YWHAZ: variants seen among roughly 807,000 people sequenced by gnomAD.
The protein encoded by YWHAZ is tyrosine 3-monooxygenase/tryptophan 5-monooxygenase activation protein zeta, also known as 14-3-3 protein zeta/delta.
For synonymous variants in YWHAZ, 87 were observed against 103.6 expected (o/e 0.84, Z 0.97); for missense variants, 79 against 284.8 (o/e 0.28, Z 5.20).
chr8:100,926,198 ATTTT>A (rs55947914), intron 2 of YWHAZ, among the ~76,000 whole-genome samples: 3 of 142,026 alleles, frequency 2.1e-5, no homozygotes, highest in Non-Finnish European at 3.1e-5. Flanking sequence ...TCTTCCCCCA[ATTTT>A]TTTTTTTTTT....
In YWHAZ at chr8:100,948,934, T is replaced by C. The variant is rs1421432811; in HGVS notation, c.-11-34A>G. On this transcript the variant is annotated intron_variant, in intron 1 of 5. Coordinates refer to ENST00000395958, the MANE Select transcript of YWHAZ (RefSeq NM_145690.3). This position sits in a 1 kb window ranked among gnomAD's most constrained non-coding sequence, Gnocchi z 4.2. ...GGGAAAAAAGGAGTATTTAAAATTT[T>C]TCCCATCAAAATAAACAGACTCAAA... 6.5e-7 allele frequency: 1 copy of C among 1,539,172 alleles called. No individual in the cohort carries two copies. The highest frequency in any genetic ancestry group is 2.1e-5 in the Admixed American group (1 of 47,526).
intron 1 of YWHAZ, chr8:100,950,505 C>T (rs1408649599): frequency 1.0e-6 from 1 of 985,620 alleles, no homozygotes; most frequent in South Asian, 4.7e-5. Context: ...CCCCTCCAGG[C>T]TCCGCCCAAG....
At chr8:100,944,853 A>T (rs1810147940) in intron 2 of YWHAZ, among the ~76,000 whole-genome samples, 1 of 152,116 alleles carries the variant, frequency 6.6e-6, no homozygotes, top group East Asian at 1.9e-4. Context: ...GGACTGAGTG[A>T]TTTCCTCAGG....
At chr8:100,930,424 T>C (rs540689373) in intron 2 of YWHAZ, among the ~76,000 whole-genome samples, 21 of 152,330 alleles carry the variant, frequency 1.4e-4, no homozygotes, top group African/African-American at 3.4e-4. Flanking sequence ...AAGGGCTAGG[T>C]TGACTGAAGG....
chr8:100,931,135 T>C (rs1161359056), intron 2 of YWHAZ, among the ~76,000 whole-genome samples: 1 of 152,226 alleles, frequency 6.6e-6, no homozygotes, highest in African/African-American at 2.4e-5. Context: ...TTCCAAGAGA[T>C]GGGGTTCAAA....
chr8:100,921,577 TC>T (rs1470685618), intron 5 of YWHAZ, among the ~76,000 whole-genome samples: 3 of 152,214 alleles, frequency 2.0e-5, no homozygotes, highest in African/African-American at 7.2e-5. Flanking sequence ...ATCTAGCTTT[TC>T]TAACACTTTA....
Position 100,917,582 on chromosome 8 carries a change from G to A in YWHAZ, c.*3111C>T, listed in dbSNP as rs1812757852. On this transcript the variant is annotated 3_prime_UTR_variant, in exon 6 of 6. Coordinates refer to ENST00000395958, the MANE Select transcript of YWHAZ (RefSeq NM_145690.3). ...AAAATACAAATAATTAGCCAGGAGT[G>A]GTGGCACATGCCTGCAGTCCCAGCT... 6.6e-6 allele frequency: 1 copy of A among 152,266 alleles called. No homozygotes were observed. Among genetic ancestry groups the A allele is most frequent in the Non-Finnish European group, 1.5e-5 (1 of 68,082 alleles). 9.4% of individuals were successfully genotyped at this position (152,266 alleles called of 1,614,324 possible).
rs1356370282 is a variant in YWHAZ at position 100,919,049 on chromosome 8, A to T, written c.*1644T>A. The stretch of plus-strand genomic sequence containing the variant: ...ACACAGTCTCATCAACTAAGGAGAG[A>T]TTTGCTGCAGTAAATAGGATGAGGG... On this transcript the variant is annotated 3_prime_UTR_variant, in exon 6 of 6. Transcript: ENST00000395958. 6.6e-6 allele frequency: 1 copy of T among 152,218 alleles called. No homozygotes were observed. Among genetic ancestry groups the T allele is most frequent in the Non-Finnish European group, 1.5e-5 (1 of 68,032 alleles). 9.4% of individuals were successfully genotyped at this position (152,218 alleles called of 1,614,324 possible).
At position 100,948,193 on chromosome 8, in the gene YWHAZ, A is replaced by C. The variant is rs1447053627; in HGVS notation, c.294+403T>G. 6.9e-7 allele frequency: 1 copy of C among 1,458,430 alleles called. No individual in the cohort carries two copies. Among genetic ancestry groups the C allele is most frequent in the East Asian group, 2.5e-5 (1 of 40,274 alleles). 90.3% of individuals were successfully genotyped at this position (1,458,430 alleles called of 1,614,324 possible). On this transcript the variant is annotated intron_variant, in intron 2 of 5. Coordinates refer to ENST00000395958, the MANE Select transcript of YWHAZ (RefSeq NM_145690.3). This position sits in a 1 kb window ranked among gnomAD's most constrained non-coding sequence, Gnocchi z 4.2. Reference sequence around the variant, plus strand: ...ATCCTGAGAAGAGTACTATTTCTACAATGAGTATCCTATTACATCTCTCTT... The same window carrying C: ...ATCCTGAGAAGAGTACTATTTCTACCATGAGTATCCTATTACATCTCTCTT...
rs751076085 is a variant in YWHAZ, at chr8:100,919,190, A to C, written c.*1503T>G. 1.3e-5 allele frequency: 2 copies of C among 152,498 alleles called. No homozygotes were observed. The highest frequency in any genetic ancestry group is 2.9e-5 in the Non-Finnish European group (2 of 68,054). 9.4% of individuals were successfully genotyped at this position (152,498 alleles called of 1,614,324 possible). A position where few individuals can be genotyped will look rare whatever the true frequency, so the allele number is the denominator to read the frequency against. On this transcript the variant is annotated 3_prime_UTR_variant, in exon 6 of 6. Coordinates refer to ENST00000395958, the MANE Select transcript of YWHAZ (RefSeq NM_145690.3). ...GGCCACCAAGTAAGAATGGTTGGTG[A>C]CAAGACAGAAGGCTAAAACAGGAAG...
chr8:100,943,660 T>C lies in YWHAZ; in HGVS notation c.294+4936A>G, dbSNP rs143370389. 9.5e-3 allele frequency among the ~76,000 whole-genome samples: 1,451 copies of C among 152,214 alleles called. 21 individuals are homozygous for C. Among genetic ancestry groups the C allele is most frequent in the African/African-American group, 0.032 (1,327 of 41,520 alleles). ...CAAAATATGTCATTGGGTGTGGCACTTTACATTAAAAAAAACTGAACTTTA... is the reference window on the plus strand; with the variant it reads ...CAAAATATGTCATTGGGTGTGGCACCTTACATTAAAAAAAACTGAACTTTA... On this transcript the variant is annotated intron_variant, in intron 2 of 5. Transcript: ENST00000395958.
intron 1 of YWHAZ, chr8:100,950,620 C>A: frequency 1.0e-6 from 1 of 985,856 alleles, no homozygotes; most frequent in Non-Finnish European, 1.2e-6. Flanking sequence ...CCGACCGGAG[C>A]CAGAGGGAGG....
At chr8:100,921,254 G>C (rs1193601313) in intron 5 of YWHAZ, among the ~76,000 whole-genome samples, 1 of 152,112 alleles carries the variant, frequency 6.6e-6, no homozygotes, top group African/African-American at 2.4e-5. Flanking sequence ...AGATGGTCTT[G>C]ATCTGATCTC....
At chr8:100,952,955 G>C (rs1181471503), upstream of YWHAZ, 3 of 1,000,576 alleles carry the variant, frequency 3.0e-6, no homozygotes, top group Non-Finnish European at 3.6e-6. Flanking sequence ...TTCCAATCGA[G>C]AGCGCGGGAT....
chr8:100,945,002 A>G (rs1465591124), intron 2 of YWHAZ, among the ~76,000 whole-genome samples: 1 of 152,244 alleles, frequency 6.6e-6, no homozygotes, highest in Non-Finnish European at 1.5e-5. Context: ...GTGCAAGATA[A>G]AAACTACCCA....
chr8:100,943,803 G>C (rs547226256), intron 2 of YWHAZ, among the ~76,000 whole-genome samples: 168 of 152,138 alleles, frequency 1.1e-3, no homozygotes, highest in African/African-American at 4.0e-3. Flanking sequence ...TGGCTAACAC[G>C]GTGAAACCCC....
intron 2 of YWHAZ, among the ~76,000 whole-genome samples, chr8:100,925,753 A>T (rs958665454): frequency 6.6e-6 from 1 of 152,082 alleles, no homozygotes; most frequent in Admixed American, 6.5e-5. Flanking sequence ...TAAAACTACT[A>T]TTACAATCTG....
chr8:100,927,125 T>C (rs1813419384), intron 2 of YWHAZ, among the ~76,000 whole-genome samples: 1 of 152,236 alleles, frequency 6.6e-6, no homozygotes, highest in Non-Finnish European at 1.5e-5. Context: ...ATTTCTATTA[T>C]CACAATAACA....
chr8:100,926,562 T>C (rs908907331), intron 2 of YWHAZ, among the ~76,000 whole-genome samples: 1 of 152,176 alleles, frequency 6.6e-6, no homozygotes, highest in African/African-American at 2.4e-5. Flanking sequence ...GAGGCTGCAG[T>C]GAGCCGAGGT....
Sources: allele counts gnomAD v4.1 joint callset (sites outside exome capture counted in the v4.1 genomes callset), GRCh38; gene constraint gnomAD v4.1.1; non-coding constraint Gnocchi (gnomAD v3.1); transcripts MANE v1.5; gene names NCBI Gene and HGNC (gene_info 2026-07-23, HGNC 2026-07-21).